DNAH14: variants seen among roughly 807,000 people sequenced by gnomAD.
The protein encoded by DNAH14 is dynein axonemal heavy chain 14.
Under a neutral mutation model 520.9 loss-of-function variants are expected in DNAH14, and 478 were observed. That is an observed-to-expected ratio of 0.92 (90% confidence interval 0.85 to 0.99). DNAH14 has a LOEUF of 0.99. Among genes scored for constraint, DNAH14 ranks in the 50% least tolerant of loss-of-function variants. The pLI is 0.00. For missense variants in DNAH14, 4,831 were observed against 5,234.5 expected, an observed-to-expected ratio of 0.92 and a Z score of 2.38; for synonymous variants, 1,581 against 1,757.2, an observed-to-expected ratio of 0.90 and a Z score of 2.51.
intron 1 of DNAH14, among the ~76,000 whole-genome samples, chr1:224,944,597 T>C (rs1041000630): frequency 9.9e-5 from 15 of 152,196 alleles, no homozygotes; most frequent in African/African-American, 3.4e-4. Context: ...TCAATGGTCT[T>C]TACAATTTGG....
At position 225,374,147 on chromosome 1, in the gene DNAH14, A is replaced by ATATATATATATG. The variant is rs1465465192; in HGVS notation, c.12319-530_12319-529insGTATATATATAT. ...TATGTCCCAATATTTGTGTCTTACT[A>ATATATATATATG]TATATATATATATATATATATATAT... On this transcript the variant is annotated intron_variant, in intron 77 of 85. Transcript: ENST00000682510. 9.9e-5 allele frequency among the ~76,000 whole-genome samples: 4 copies of ATATATATATATG among 40,270 alleles called. 1 individual carries two copies. Among genetic ancestry groups the ATATATATATATG allele is most frequent in the African/African-American group, 3.2e-4 (4 of 12,472 alleles). 26.4% of individuals were successfully genotyped at this position (40,270 alleles called of 152,430 possible).
At chr1:224,997,844 T>G (rs992981958) in intron 8 of DNAH14, among the ~76,000 whole-genome samples, 5 of 152,082 alleles carry the variant, frequency 3.3e-5, no homozygotes, top group Admixed American at 3.3e-4. Context: ...ATGGATGAAA[T>G]TGGAAATCAT....
At chr1:225,327,221 G>C (rs1364415371) in intron 64 of DNAH14, among the ~76,000 whole-genome samples, 1 of 151,344 alleles carries the variant, frequency 6.6e-6, no homozygotes, top group Non-Finnish European at 1.5e-5. Context: ...GCAGAGGCGC[G>C]ATCTCGGCTC....
intron 37 of DNAH14, 87 bp from the exon 38 acceptor site, chr1:225,192,609 T>A: frequency 1.0e-6 from 1 of 961,374 alleles, no homozygotes; most frequent in South Asian, 1.8e-5. Flanking sequence ...AGGTTTCTCC[T>A]ATAACCTTTT....
intron 1 of DNAH14, among the ~76,000 whole-genome samples, chr1:224,934,912 T>A (rs2058930976): frequency 6.6e-6 from 1 of 151,714 alleles, no homozygotes; most frequent in African/African-American, 2.4e-5. Flanking sequence ...CGAGAATATA[T>A]TATCAGCTAA....
rs920707484 is a variant in DNAH14 at position 225,206,144 on chromosome 1, C to T, written c.6151C>T (p.Pro2051Ser). ...AGTGGACAATCTCTCTCAGGCCAGT[C>T]CTGCTACTGTCAGCCGATGTGCCAT... is the stretch of plus-strand genomic sequence containing the variant. ...FEVDNLSQAS[P>S]ATVSRCAMVY... The change falls in exon 40 of 86, where the codon CCT becomes TCT. Residue 2051 changes from proline (P) to serine (S), a missense_variant. Physicochemically the swap from Pro to Ser is moderately conservative, Grantham distance 74. Coordinates refer to ENST00000682510, the MANE Select transcript of DNAH14 (RefSeq NM_001367479.1). The T allele has an allele frequency of 1.3e-6, 2 of 1,551,342 alleles. No individual in the cohort carries two copies. Among genetic ancestry groups the T allele is most frequent in the Admixed American group, 2.0e-5 (1 of 50,996 alleles).
intron 8 of DNAH14, among the ~76,000 whole-genome samples, chr1:224,995,213 G>T (rs1264479218): frequency 1.3e-5 from 2 of 152,038 alleles, no homozygotes; most frequent in South Asian, 4.1e-4. Context: ...TACAATTCCT[G>T]TAAAGCAGGC....
At chr1:225,397,702 C>T (rs2096035017) in intron 84 of DNAH14, 1 of 152,180 alleles carries the variant, frequency 6.6e-6, no homozygotes, top group African/African-American at 2.4e-5. Flanking sequence ...TTTTACTTAA[C>T]CCTTTATCAT....
chr1:225,053,570 G>C (rs1030429606), intron 17 of DNAH14, among the ~76,000 whole-genome samples: 1 of 152,088 alleles, frequency 6.6e-6, no homozygotes, highest in East Asian at 1.9e-4. Context: ...ATCATCTAGG[G>C]GAGAGGTGAT....
intron 8 of DNAH14, among the ~76,000 whole-genome samples, chr1:224,979,236 A>G (rs928453975): frequency 6.6e-6 from 1 of 152,154 alleles, no homozygotes; most frequent in Non-Finnish European, 1.5e-5. Flanking sequence ...TGAAGAGGGA[A>G]GGAAACAGTC....
intron 30 of DNAH14, 87 bp from the exon 31 acceptor site, chr1:225,147,016 TG>T: frequency 9.4e-7 from 1 of 1,067,280 alleles, no homozygotes; most frequent in Non-Finnish European, 1.3e-6. Flanking sequence ...TTGGGTAGCA[TG>T]GGGAGAACAC....
chr1:224,936,396 A>G (rs2059039748), intron 1 of DNAH14, among the ~76,000 whole-genome samples: 1 of 151,880 alleles, frequency 6.6e-6, no homozygotes, highest in African/African-American at 2.4e-5. Flanking sequence ...ACTACAACTG[A>G]TACCAAAGAA....
intron 1 of DNAH14, among the ~76,000 whole-genome samples, chr1:224,951,986 GTCTA>G (rs1157840669): frequency 6.6e-6 from 1 of 152,156 alleles, no homozygotes; most frequent in Non-Finnish European, 1.5e-5. Flanking sequence ...GCTTATTTCA[GTCTA>G]TCTTAGTTGA....
At chr1:225,166,137 T>G (rs1559152734) in intron 35 of DNAH14, among the ~76,000 whole-genome samples, 1 of 152,214 alleles carries the variant, frequency 6.6e-6, no homozygotes, top group Non-Finnish European at 1.5e-5. Flanking sequence ...AACTTTCCGC[T>G]CTTCTCCAGT....
At chr1:225,151,915 C>A in intron 31 of DNAH14, 90 bp from the exon 32 acceptor site, 1 of 1,063,560 alleles carries the variant, frequency 9.4e-7, no homozygotes, top group Non-Finnish European at 1.4e-6. Context: ...GTAACACAGC[C>A]TTAATAAAGC....
intron 54 of DNAH14, among the ~76,000 whole-genome samples, chr1:225,279,066 A>C (rs2093564822): frequency 6.6e-6 from 1 of 152,146 alleles, no homozygotes; most frequent in Non-Finnish European, 1.5e-5. Flanking sequence ...GCACAATCTC[A>C]GCTCACTGCA....
At chr1:225,272,120 GCT>G (rs759108145) in intron 51 of DNAH14, 47 bp downstream of exon 51, 27 of 1,494,774 alleles carry the variant, frequency 1.8e-5, no homozygotes, top group Non-Finnish European at 2.4e-5. Context: ...AATATAAGTT[GCT>G]CTCTCTCATA....
intron 36 of DNAH14, among the ~76,000 whole-genome samples, chr1:225,168,552 G>T (rs1197043147): frequency 1.3e-5 from 2 of 152,208 alleles, no homozygotes; most frequent in African/African-American, 4.8e-5. Context: ...CTCACTCATG[G>T]CTAGCACAGC....
chr1:225,039,490 T>C (rs1461295637), intron 12 of DNAH14, among the ~76,000 whole-genome samples: 1 of 152,170 alleles, frequency 6.6e-6, no homozygotes, highest in Non-Finnish European at 1.5e-5. Flanking sequence ...TTTTGATTTA[T>C]TTTTAAACAA....
Sources: gnomAD v4.1 joint callset for allele counts (sites outside exome capture counted in the v4.1 genomes callset) on GRCh38, gnomAD v4.1.1 for gene constraint, MANE v1.5 for transcripts, NCBI Gene and HGNC (gene_info 2026-07-23, HGNC 2026-07-21) for gene names.